The following COL25A1 variants were observed in gnomAD, a reference collection of about 807,000 sequenced individuals.
COL25A1 encodes the protein collagen alpha-1(XXV) chain.
COL25A1 carries 103 observed loss-of-function variants against 128.4 expected under a neutral mutation model. That is an observed-to-expected ratio of 0.80 (90% CI 0.68 to 0.94). The LOEUF is 0.94. COL25A1 is among the 40% of genes least tolerant of loss of function. COL25A1 has a pLI of 0.00. For missense variants in COL25A1, 745 were observed against 840.0 expected (o/e 0.89, Z 1.40); for synonymous variants, 279 against 277.2 (o/e 1.01, Z -0.06).
At chr4:109,211,783 A>G (rs1472944589) in intron 3 of COL25A1, among the ~76,000 whole-genome samples, 1 of 152,034 alleles carries the variant, frequency 6.6e-6, no homozygotes, top group Admixed American at 6.6e-5. Flanking sequence ...TCCAAACCCT[A>G]AGGAACCCAA....
chr4:109,260,121 A>C (rs1034922212), intron 3 of COL25A1, among the ~76,000 whole-genome samples: 2 of 152,248 alleles, frequency 1.3e-5, no homozygotes, highest in Non-Finnish European at 2.9e-5. Context: ...TCCTTATACA[A>C]AGCTGCCTCC....
At chr4:109,282,710 C>T (rs1299500024) in intron 3 of COL25A1, among the ~76,000 whole-genome samples, 1 of 152,142 alleles carries the variant, frequency 6.6e-6, no homozygotes. Flanking sequence ...GGCTAATGTG[C>T]CATTTAGCTG....
intron 3 of COL25A1, among the ~76,000 whole-genome samples, chr4:109,083,125 C>T (rs926337364): frequency 6.6e-6 from 1 of 152,090 alleles, no homozygotes; most frequent in African/African-American, 2.4e-5. Flanking sequence ...AACAAAGAAG[C>T]ATTCATCTAT....
At position 108,844,550 on chromosome 4, in the gene COL25A1, G is replaced by A. The variant is rs1734857054; in HGVS notation, c.1598C>T (p.Pro533Leu). The stretch of plus-strand genomic sequence containing the variant: ...GCCAGGTGGGCCATGGGGACCTGGT[G>A]GGCCTGGTGGGCCTATGATCTGTAT... The part of the protein sequence containing the change: ...QGPSIIGPPG[P>L]PGPHGPPGPM... The change falls in exon 30 of 38, where the codon CCA (proline) becomes CTA (leucine). Residue 533 changes from proline (P) to leucine (L), a missense_variant. By Grantham distance (98) the Pro-to-Leu change is moderately conservative (BLOSUM62 -3). Around this residue, in one of 3 missense-constraint regions of COL25A1, gnomAD observed 387 missense variants for 441.9 expected, o/e 0.88. Coordinates refer to ENST00000399132, the MANE Select transcript of COL25A1 (RefSeq NM_198721.4). The A allele has an allele frequency of 2.5e-6, 4 of 1,613,498 alleles. No individual in the cohort carries two copies. The highest frequency in any genetic ancestry group is 3.3e-5 in the Admixed American group (2 of 59,920).
chr4:108,871,708 C>T (rs1738740369), intron 19 of COL25A1, among the ~76,000 whole-genome samples: 1 of 152,156 alleles, frequency 6.6e-6, no homozygotes, highest in South Asian at 2.1e-4. Context: ...CATTCTGATA[C>T]ACTTCTTATT....
At chr4:109,119,433 A>T (rs1015211220) in intron 3 of COL25A1, among the ~76,000 whole-genome samples, 11 of 152,026 alleles carry the variant, frequency 7.2e-5, no homozygotes, top group African/African-American at 2.7e-4. Context: ...AAATCAATAA[A>T]ATTGATAAGC....
intron 33 of COL25A1, among the ~76,000 whole-genome samples, chr4:108,826,663 A>G (rs1021558815): frequency 6.6e-6 from 1 of 152,246 alleles, no homozygotes; most frequent in African/African-American, 2.4e-5. Context: ...CGTCATAAAT[A>G]TCAATGTAAT....
chr4:109,140,243 G>T (rs1349472223), intron 3 of COL25A1, among the ~76,000 whole-genome samples: 1 of 151,958 alleles, frequency 6.6e-6, no homozygotes, highest in Non-Finnish European at 1.5e-5. Context: ...CTGAGGAATT[G>T]TGTGTGGTGT....
At chr4:108,826,576 G>A (rs1400924066) in intron 33 of COL25A1, among the ~76,000 whole-genome samples, 1 of 152,108 alleles carries the variant, frequency 6.6e-6, no homozygotes, top group Admixed American at 6.5e-5. Context: ...ATTTTCAGAA[G>A]ACAGAGCACT....
chr4:109,262,938 T>C (rs1781548922), intron 3 of COL25A1, among the ~76,000 whole-genome samples: 1 of 152,138 alleles, frequency 6.6e-6, no homozygotes, highest in South Asian at 2.1e-4. Flanking sequence ...GAGAGCAGCC[T>C]GACCAACATG....
intron 6 of COL25A1, among the ~76,000 whole-genome samples, chr4:108,994,721 G>C (rs193083038): frequency 1.1e-3 from 171 of 152,288 alleles, no homozygotes; most frequent in Admixed American, 5.0e-3. Context: ...GGGGCCGACA[G>C]ACACCTCATA....
rs72892737 is a variant in COL25A1, at chr4:109,268,453, G to T, written c.367+32130C>A. Among the ~76,000 whole-genome samples the T allele has an allele frequency of 8.7e-3, 1,317 of 152,248 alleles. 27 individuals carry two copies. The highest frequency in any genetic ancestry group is 0.03 in the African/African-American group (1,252 of 41,548). On this transcript the variant is annotated intron_variant, in intron 3 of 37. Coordinates refer to ENST00000399132, the MANE Select transcript of COL25A1 (RefSeq NM_198721.4). The stretch of plus-strand genomic sequence containing the variant: ...GGACAACCTCTAGAGAAACACACAA[G>T]TTATCAGTTACTGTGATTTCTTCTG...
chr4:109,055,955 A>T (rs1329403318), intron 3 of COL25A1, among the ~76,000 whole-genome samples: 1 of 152,212 alleles, frequency 6.6e-6, no homozygotes, highest in African/African-American at 2.4e-5. Context: ...GTTTGTTTTA[A>T]ATATCTTTTA....
At chr4:109,131,918 T>A (rs1233073742) in intron 3 of COL25A1, among the ~76,000 whole-genome samples, 1 of 152,176 alleles carries the variant, frequency 6.6e-6, no homozygotes, top group Non-Finnish European at 1.5e-5. Context: ...GGCAGAGTGA[T>A]CCTCAGCTCT....
At chr4:108,925,411 C>A (rs1745931325) in intron 11 of COL25A1, among the ~76,000 whole-genome samples, 1 of 151,876 alleles carries the variant, frequency 6.6e-6, no homozygotes, top group East Asian at 1.9e-4. Context: ...AGGAAAAGAG[C>A]CATGCATATA....
intron 5 of COL25A1, among the ~76,000 whole-genome samples, chr4:109,021,193 G>A (rs1199473322): frequency 6.6e-6 from 1 of 152,202 alleles, no homozygotes; most frequent in Non-Finnish European, 1.5e-5. Context: ...TGTGTCTCCT[G>A]TTTCTGGTGA....
intron 8 of COL25A1, among the ~76,000 whole-genome samples, chr4:108,947,602 A>C (rs1038936646): frequency 1.3e-5 from 2 of 152,166 alleles, no homozygotes; most frequent in Non-Finnish European, 2.9e-5. Context: ...AACTACAAAG[A>C]AGATGAAAAG....
intron 10 of COL25A1, among the ~76,000 whole-genome samples, chr4:108,938,202 G>A (rs1031894994): frequency 5.3e-5 from 8 of 152,090 alleles, no homozygotes; most frequent in Admixed American, 2.0e-4. Context: ...GGTCTTCCTG[G>A]ATTAATGACG....
chr4:109,237,383 A>G (rs1779546403), intron 3 of COL25A1, among the ~76,000 whole-genome samples: 2 of 152,110 alleles, frequency 1.3e-5, no homozygotes, highest in Non-Finnish European at 2.9e-5. Context: ...ATTTAGAAAA[A>G]TTATCTTTCA....
Sources: allele counts gnomAD v4.1 joint callset (sites outside exome capture counted in the v4.1 genomes callset), GRCh38; gene constraint gnomAD v4.1.1; regional missense constraint gnomAD v4.1.1; transcripts MANE v1.5; gene names NCBI Gene and HGNC (gene_info 2026-07-23, HGNC 2026-07-21).